The following BLTP1 variants were observed in gnomAD, a reference collection of about 807,000 sequenced individuals.
BLTP1 encodes bridge-like lipid transfer protein family member 1, also known as fragile site-associated protein.
chr4:122,188,659 T>C, the BLTP1 span, among the ~76,000 whole-genome samples: 4 of 151,950 alleles, frequency 2.6e-5, no homozygotes, highest in African/African-American at 4.8e-5. Context: ...TAAGACTCAT[T>C]ATAGGAATGA....
chr4:122,235,821 A>G, the BLTP1 span, among the ~76,000 whole-genome samples: 1 of 152,208 alleles, frequency 6.6e-6, no homozygotes, highest in Non-Finnish European at 1.5e-5. Flanking sequence ...GAAAAAAAAA[A>G]AAGAATCTTT....
chr4:122,243,596 C>A, the BLTP1 span: 1 of 372,108 alleles, frequency 2.7e-6, no homozygotes, highest in Non-Finnish European at 3.7e-6. Context: ...ACAAAAAATA[C>A]AAAAAAATTA....
the BLTP1 span, chr4:122,209,946 G>A: frequency 6.2e-7 from 1 of 1,608,370 alleles, no homozygotes; most frequent in Admixed American, 1.7e-5. Context: ...TATATAATTT[G>A]TGCTTTTATA....
chr4:122,212,009 T>C, the BLTP1 span: 1 of 969,918 alleles, frequency 1.0e-6, no homozygotes, highest in African/African-American at 1.7e-5. Flanking sequence ...GATCGGCAGA[T>C]TCACTTTGGA....
the BLTP1 span, among the ~76,000 whole-genome samples, chr4:122,337,634 A>C: frequency 6.6e-6 from 1 of 151,930 alleles, no homozygotes; most frequent in African/African-American, 2.4e-5. Context: ...CCCTTTTTTA[A>C]GCATTTTATG....
chr4:122,328,699 T>TA, the BLTP1 span: 6 of 982,896 alleles, frequency 6.1e-6, no homozygotes, highest in South Asian at 2.8e-4. Flanking sequence ...AGCAAGGAGA[T>TA]ATGTAATAGT....
chr4:122,238,203 C>A, the BLTP1 span: 3 of 1,613,910 alleles, frequency 1.9e-6, no homozygotes, highest in Non-Finnish European at 2.5e-6. Context: ...TCTCATAGTT[C>A]ATCCTCTTCC....
the BLTP1 span, chr4:122,325,860 A>AAAT: frequency 8.7e-7 from 1 of 1,145,992 alleles, no homozygotes; most frequent in Non-Finnish European, 1.1e-6. Flanking sequence ...TTAAGTTGAA[A>AAAT]AATACAGTAT....
At chr4:122,234,686 A>T in the BLTP1 span, 1 of 1,304,312 alleles carries the variant, frequency 7.7e-7, no homozygotes, top group East Asian at 2.5e-5. Context: ...CAATTAACTT[A>T]TATTTAATTA....
chr4:122,193,307 G>A, the BLTP1 span, among the ~76,000 whole-genome samples: 1 of 152,074 alleles, frequency 6.6e-6, no homozygotes, highest in African/African-American at 2.4e-5. Flanking sequence ...TTATATTAAA[G>A]ATTAGGGGAG....
the BLTP1 span, chr4:122,227,134 A>G: frequency 1.0e-5 from 9 of 877,064 alleles, no homozygotes; most frequent in Non-Finnish European, 1.1e-5. Context: ...GGATATGGCT[A>G]TATATTTATG....
the BLTP1 span, among the ~76,000 whole-genome samples, chr4:122,280,911 T>C: frequency 3.2e-4 from 49 of 152,308 alleles, no homozygotes; most frequent in Non-Finnish European, 6.5e-4. Context: ...TACTTAAATT[T>C]TAGTTTTAAA....
At chr4:122,220,260 AT>A in the BLTP1 span, 20 of 1,505,456 alleles carry the variant, frequency 1.3e-5, no homozygotes, top group Non-Finnish European at 1.8e-5. Context: ...GACAGATGTA[AT>A]TTTTATTTTC....
At chr4:122,276,404 CACTA>C in the BLTP1 span, 1 of 951,036 alleles carries the variant, frequency 1.1e-6, no homozygotes, top group Non-Finnish European at 1.3e-6. Context: ...ATTATTAAAA[CACTA>C]ACAAAACATC....
the BLTP1 span, chr4:122,281,858 G>A: frequency 7.4e-7 from 1 of 1,358,050 alleles, no homozygotes; most frequent in Non-Finnish European, 9.6e-7. Context: ...AGGTAAATTT[G>A]GTTTTATAGA....
At chr4:122,355,372 G>A in the BLTP1 span, among the ~76,000 whole-genome samples, 1 of 151,822 alleles carries the variant, frequency 6.6e-6, no homozygotes. Flanking sequence ...AGAGTGAAGT[G>A]TTCAATCTAT....
the BLTP1 span, chr4:122,249,435 T>C: frequency 1.9e-6 from 3 of 1,587,120 alleles, no homozygotes; most frequent in Non-Finnish European, 2.6e-6. Flanking sequence ...TGTTTTTTAA[T>C]GTAAGCTTAT....
the BLTP1 span, chr4:122,237,981 CAAA>C: frequency 2.1e-3 from 1,661 of 782,418 alleles, no homozygotes; most frequent in Middle Eastern, 3.2e-3. Context: ...GACTCCATCT[CAAA>C]AAAAAAAAAA....
the BLTP1 span, among the ~76,000 whole-genome samples, chr4:122,303,975 G>A: frequency 6.6e-6 from 1 of 152,146 alleles, no homozygotes; most frequent in African/African-American, 2.4e-5. Context: ...TCTGCTGTGG[G>A]TAAAATGCTA....
Sources: allele counts gnomAD v4.1 joint callset (sites outside exome capture counted in the v4.1 genomes callset), GRCh38; gene constraint gnomAD v4.1.1; transcripts MANE v1.5; gene names NCBI Gene and HGNC (gene_info 2026-07-23, HGNC 2026-07-21).